The following ITGA1 variants were observed in gnomAD, a reference collection of about 807,000 sequenced individuals.
The protein encoded by ITGA1 is integrin subunit alpha 1, also known as integrin alpha-1.
Under a neutral mutation model 145.9 loss-of-function variants are expected in ITGA1, and 85 were observed. That is an observed-to-expected ratio of 0.58 (90% CI 0.49 to 0.70). The LOEUF is 0.70. ITGA1 is among the 30% of genes least tolerant of loss of function. The pLI is 0.00. For synonymous variants in ITGA1, 520 were observed against 495.3 expected (o/e 1.05, Z -0.66); for missense variants, 1,351 against 1,418.7 (o/e 0.95, Z 0.77).
intron 5 of ITGA1, 142 bp from the exon 6 acceptor site, chr5:52,865,548 T>A: frequency 1.6e-6 from 1 of 622,050 alleles, no homozygotes; most frequent in Non-Finnish European, 2.5e-6. Context: ...TCGAAAACTA[T>A]TTTTTATTGC....
chr5:52,810,806 T>C (rs72754582), intron 1 of ITGA1, among the ~76,000 whole-genome samples: 9,463 of 152,296 alleles, frequency 0.062, 385 homozygotes, highest in Non-Finnish European at 0.084. Context: ...GGAATCATTT[T>C]CACCTTTATC....
intron 26 of ITGA1, among the ~76,000 whole-genome samples, chr5:52,944,253 A>T (rs542186270): frequency 6.6e-6 from 1 of 152,218 alleles, no homozygotes; most frequent in South Asian, 2.1e-4. Flanking sequence ...TCACACATCC[A>T]TTGGAGATGT....
At chr5:52,826,781 A>G (rs533842287) in intron 1 of ITGA1, among the ~76,000 whole-genome samples, 3 of 152,318 alleles carry the variant, frequency 2.0e-5, no homozygotes, top group African/African-American at 7.2e-5. Context: ...TTTTAAGCCC[A>G]TTGTTGAGAT....
intron 13 of ITGA1, 73 bp from the exon 14 acceptor site, chr5:52,910,089 G>A (rs1422372878): frequency 7.1e-7 from 1 of 1,404,338 alleles, no homozygotes; most frequent in Admixed American, 2.0e-5. Context: ...CACTGATTTA[G>A]TATACTTTAA....
At chr5:52,808,123 G>A (rs1157590187) in intron 1 of ITGA1, among the ~76,000 whole-genome samples, 12 of 152,124 alleles carry the variant, frequency 7.9e-5, no homozygotes, top group Non-Finnish European at 1.8e-4. Context: ...TGGGACTTGA[G>A]GATGTTACTG....
At chr5:52,945,090 C>CAT in intron 27 of ITGA1, 55 bp downstream of exon 27, 1 of 1,328,640 alleles carries the variant, frequency 7.5e-7, no homozygotes, top group Non-Finnish European at 1.1e-6. Context: ...AATTTTGTGA[C>CAT]ATAATGTTTT....
At position 52,905,915 on chromosome 5, in the gene ITGA1, T is replaced by C. The variant is rs140306833; in HGVS notation, c.1455+7T>C. 3,393 of 1,606,172 alleles carry C rather than the reference T, an allele frequency of 2.1e-3. 72 individuals are homozygous for C. In the South Asian group the frequency reaches 0.031, roughly 14 times the overall value. On this transcript the variant is annotated splice_region_variant and intron_variant, in intron 12 of 28. Transcript: ENST00000282588. ...GACGCTCAGTGGAGAACAGGTAAACTTGAAAAATATTCTTTTATTTAAATT... is the reference window on the plus strand; with the variant it reads ...GACGCTCAGTGGAGAACAGGTAAACCTGAAAAATATTCTTTTATTTAAATT...
intron 1 of ITGA1, among the ~76,000 whole-genome samples, chr5:52,839,887 C>T (rs1749225907): frequency 1.0e-5 from 1 of 99,104 alleles, no homozygotes; most frequent in African/African-American, 4.3e-5. Flanking sequence ...AACTGTGTCT[C>T]CTGTTTCACC....
Position 52,865,083 on chromosome 5 carries a change from G to A in ITGA1, c.496+1G>A. Reference sequence around the variant, plus strand: ...GTGAATTCCATTGCCCCTGTACAAGGTACAGATTTTATGCAATGTTCTTGC... The same window carrying A: ...GTGAATTCCATTGCCCCTGTACAAGATACAGATTTTATGCAATGTTCTTGC... On this transcript the variant is annotated splice_donor_variant, in intron 5 of 28. Transcript: ENST00000282588. LOFTEE classifies it high-confidence loss of function. The A allele has an allele frequency of 1.9e-6, 3 of 1,601,796 alleles. No homozygotes were observed. The highest frequency in any genetic ancestry group is 2.6e-6 in the Non-Finnish European group (3 of 1,170,438).
At position 52,956,736 on chromosome 5, in the gene ITGA1, A is replaced by G. The variant is rs1751311086; in HGVS notation, c.*4285A>G. ...CACCCAACAATCGCCAACCTCACCC[A>G]TGGAAATCATCTAAAAAATGAAAAG... On this transcript the variant is annotated 3_prime_UTR_variant, in exon 29 of 29. Coordinates refer to ENST00000282588, the MANE Select transcript of ITGA1 (RefSeq NM_181501.2). 1 of 152,218 alleles carries G rather than the reference A, an allele frequency of 6.6e-6. No individual in the cohort carries two copies. The highest frequency in any genetic ancestry group is 1.5e-5 in the Non-Finnish European group (1 of 68,060). The allele number at this position is 152,218 out of a possible 1,614,324, so 9.4% of individuals were successfully genotyped here.
At chr5:52,911,558 GTATCTACTATATATACTA>G (rs1750534149) in intron 14 of ITGA1, among the ~76,000 whole-genome samples, 1 of 56,338 alleles carries the variant, frequency 1.8e-5, no homozygotes, top group Non-Finnish European at 4.0e-5. Flanking sequence ...TATATATAGT[GTATCTACTATATATACTA>G]TATATATAGT....
Position 52,861,598 on chromosome 5 carries a change from C to A in ITGA1, c.295+39C>A, listed in dbSNP as rs114408035. 3.4e-6 allele frequency: 4 copies of A among 1,163,620 alleles called. No homozygotes were observed. In the South Asian group the frequency reaches 3.7e-5, roughly 11 times the overall value. 72.1% of individuals were successfully genotyped at this position (1,163,620 alleles called of 1,614,324 possible). ...AAAAAATCTGGTTTTAGGCCAGGTG[C>A]GGTGAGTCACGCCTGTAATCCCCAC... On this transcript the variant is annotated intron_variant, in intron 3 of 28. Coordinates refer to ENST00000282588, the MANE Select transcript of ITGA1 (RefSeq NM_181501.2).
At chr5:52,793,027 T>C (rs1304489802) in intron 1 of ITGA1, among the ~76,000 whole-genome samples, 2 of 152,100 alleles carry the variant, frequency 1.3e-5, no homozygotes, top group African/African-American at 4.8e-5. Flanking sequence ...GGACTTTGCA[T>C]AAGTAGTTAC....
intron 2 of ITGA1, among the ~76,000 whole-genome samples, chr5:52,858,507 A>AT (rs1749551382): frequency 6.6e-6 from 1 of 152,218 alleles, no homozygotes; most frequent in African/African-American, 2.4e-5. Context: ...GTATCATTTT[A>AT]TATCCTCAGG....
chr5:52,869,035 C>G (rs1749734049), intron 6 of ITGA1, among the ~76,000 whole-genome samples: 1 of 152,154 alleles, frequency 6.6e-6, no homozygotes, highest in African/African-American at 2.4e-5. Flanking sequence ...CCAATTATGG[C>G]TCATGGAATT....
At position 52,933,915 on chromosome 5, in the gene ITGA1, T is replaced by G. The variant is rs12520591; in HGVS notation, c.2883T>G (p.Ile961Met). The G allele has an allele frequency of 0.064, 97,517 of 1,516,130 alleles. 5,372 individuals carry two copies. Among genetic ancestry groups the G allele is most frequent in the Admixed American group, 0.27 (13,946 of 50,866 alleles). The allele number at this position is 1,516,130 out of a possible 1,614,324, so 93.9% of individuals were successfully genotyped here. A position where few individuals can be genotyped will look rare whatever the true frequency, so the allele number is the denominator to read the frequency against. Residue 961 changes from isoleucine (I) to methionine (M), a missense_variant, in exon 23 of 29, where the codon ATT becomes ATG. By Grantham distance (10) the Ile-to-Met change is conservative. Coordinates refer to ENST00000282588, the MANE Select transcript of ITGA1 (RefSeq NM_181501.2). ...TAAGCTCTGCAAGTGAATACCACAT[T>G]TCAATTGCTGCCAATGAGACAGTCC... ...QFYSSASEYH[I>M]SIAANETVPE...
At position 52,893,725 on chromosome 5, in the gene ITGA1, G is replaced by C; in HGVS notation, c.975G>C (p.Glu325Asp). The C allele has an allele frequency of 1.2e-6, 2 of 1,612,856 alleles. No individual in the cohort carries two copies. The highest frequency in any genetic ancestry group is 2.2e-5 in the South Asian group (2 of 90,976). Residue 325 changes from glutamate to aspartate, a missense_variant, in exon 9 of 29, where the codon GAG (glutamate) becomes GAC (aspartate). Transcript: ENST00000282588. ...ATTTAAGCACTGAAAAATTTGTGGA[G>C]GAAATAAAATCAATTGCAAGTGAAC... ...RGNLSTEKFVEEIKSIASEPT... is the reference protein window; with the variant it reads ...RGNLSTEKFVDEIKSIASEPT...
intron 2 of ITGA1, among the ~76,000 whole-genome samples, chr5:52,857,981 G>A (rs1043327029): frequency 7.9e-5 from 12 of 152,008 alleles, no homozygotes; most frequent in African/African-American, 2.4e-4. Context: ...TTTTTGTCTT[G>A]GATCTACTTT....
At position 52,788,134 on chromosome 5, in the gene ITGA1, G is replaced by C. The variant is rs554954756; in HGVS notation, c.-220G>C. The C allele has an allele frequency of 9.2e-6, 4 of 434,452 alleles. No individual in the cohort carries two copies. Among genetic ancestry groups the C allele is most frequent in the Non-Finnish European group, 1.6e-5 (4 of 244,264 alleles). 26.9% of individuals were successfully genotyped at this position (434,452 alleles called of 1,614,324 possible). A position where few individuals can be genotyped will look rare whatever the true frequency, so the allele number is the denominator to read the frequency against. ...AGAGCGCGAAGGGGCGGGCGATGTGGCAATCCGTCTGGGATGTGAAAAGCG... is the reference window on the plus strand; with the variant it reads ...AGAGCGCGAAGGGGCGGGCGATGTGCCAATCCGTCTGGGATGTGAAAAGCG... On this transcript the variant is annotated 5_prime_UTR_variant, in exon 1 of 29. Transcript: ENST00000282588.
Sources: gnomAD v4.1 joint callset for allele counts (sites outside exome capture counted in the v4.1 genomes callset) on GRCh38, gnomAD v4.1.1 for gene constraint, MANE v1.5 for transcripts, NCBI Gene and HGNC (gene_info 2026-07-23, HGNC 2026-07-21) for gene names.